The following DPM1 variants were observed in gnomAD, a reference collection of about 807,000 sequenced individuals.
DPM1 encodes the protein dolichol-phosphate mannosyltransferase subunit 1.
A neutral mutation model predicts 39.0 loss-of-function variants in DPM1; 27 were observed. That is an observed-to-expected ratio of 0.69 (90% CI 0.51 to 0.95). The LOEUF (loss-of-function observed/expected upper bound fraction) is 0.95, where lower values mean the gene tolerates loss of function less well. Among genes scored for constraint, DPM1 ranks in the 40% least tolerant of loss-of-function variants. The pLI, the probability that DPM1 is intolerant of heterozygous loss-of-function variation, is 0.00. For synonymous variants in DPM1, 124 were observed against 109.0 expected (o/e 1.14, Z -0.86); for missense variants, 307 against 315.6 (o/e 0.97, Z 0.21).
chr20:50,950,139 A>G (rs997255007), intron 2 of DPM1, among the ~76,000 whole-genome samples: 1 of 152,010 alleles, frequency 6.6e-6, no homozygotes, highest in Non-Finnish European at 1.5e-5. Context: ...CTTTTCCTTT[A>G]TGATTACCAT....
At chr20:50,941,290 A>G (rs1985758871) in intron 6 of DPM1, 1 of 160,016 alleles carries the variant, frequency 6.2e-6, no homozygotes, top group South Asian at 2.1e-4. Context: ...TATAATATAT[A>G]TACACATTCA....
intron 6 of DPM1, chr20:50,941,144 G>A (rs1204405808): frequency 1.0e-5 from 6 of 588,804 alleles, no homozygotes; most frequent in East Asian, 2.9e-5. Context: ...ATCCCAGGAG[G>A]CCAAGATGGC....
At chr20:50,937,815 A>T (rs6020858) in intron 7 of DPM1, among the ~76,000 whole-genome samples, 74,303 of 151,774 alleles carry the variant, frequency 0.49, 20,064 homozygotes, top group African/African-American at 0.74. Context: ...AATAACTTTT[A>T]AAGTTATTAT....
intron 6 of DPM1, chr20:50,941,267 T>TATAA (rs1435028731): frequency 6.7e-6 from 1 of 148,768 alleles, no homozygotes; most frequent in African/African-American, 3.2e-5. Flanking sequence ...TATATATAAA[T>TATAA]AAAATACATT....
intron 1 of DPM1, 97 bp downstream of exon 1, chr20:50,958,266 A>C: frequency 6.6e-7 from 1 of 1,518,962 alleles, no homozygotes; most frequent in East Asian, 2.4e-5. Context: ...GAGGCAAAGA[A>C]GGCTGGACAG....
rs1421151013 is a variant in DPM1, at chr20:50,941,080, A to G, written c.495-147T>C. On this transcript the variant is annotated intron_variant, in intron 6 of 8. Transcript: ENST00000371588. ...ATGTTATTTATCTAGAACAAAATAG[A>G]AATTTTTAGTCAATGAAAGGAGACC... 4 of 945,134 alleles carry G rather than the reference A, an allele frequency of 4.2e-6. No homozygotes were observed. In the African/African-American group the frequency reaches 5.0e-5, roughly 12 times the overall value. The allele number at this position is 945,134 out of a possible 1,614,324, so 58.5% of individuals were successfully genotyped here.
chr20:50,938,180 T>G (rs958148947), intron 7 of DPM1, among the ~76,000 whole-genome samples: 1 of 152,126 alleles, frequency 6.6e-6, no homozygotes, highest in Non-Finnish European at 1.5e-5. Flanking sequence ...GCGATTAGGA[T>G]CCAGGTGGTC....
chr20:50,935,419 T>A (rs944918861), intron 8 of DPM1, among the ~76,000 whole-genome samples, 183 bp from the exon 9 acceptor site: 1 of 152,176 alleles, frequency 6.6e-6, no homozygotes, highest in African/African-American at 2.4e-5. Flanking sequence ...AAATTAAACA[T>A]GCATTATCTA....
At chr20:50,937,833 ATTATTT>A (rs1475823806) in intron 7 of DPM1, among the ~76,000 whole-genome samples, 3 of 148,326 alleles carry the variant, frequency 2.0e-5, no homozygotes, top group Non-Finnish European at 3.0e-5. Flanking sequence ...TATTATTATT[ATTATTT>A]TTATTTTTTT....
Position 50,958,505 on chromosome 20 carries a change from T to C in DPM1, c.19A>G (p.Ser7Gly), listed in dbSNP as rs147804856. The part of the protein sequence containing the change: MASLEV[S>G]RSPRRSRREL... ...CGCCGAGACCTGCGAGGACTACGAC[T>C]GACTTCCAAGGAGGCCATGGCGGAA... Residue 7 changes from serine to glycine, a missense_variant, in exon 1 of 9, where the codon AGT becomes GGT. By Grantham distance (56) the Ser-to-Gly change is moderately conservative. Around this residue, in one of 3 missense-constraint regions of DPM1, gnomAD observed 206 missense variants for 188.2 expected, o/e 1.09. Transcript: ENST00000371588. 6.1e-5 allele frequency: 98 copies of C among 1,613,364 alleles called. No homozygotes were observed. In the African/African-American group the frequency reaches 8.7e-4, roughly 14 times the overall value.
chr20:50,936,060 T>C, intron 8 of DPM1, 88 bp downstream of exon 8: 2 of 934,162 alleles, frequency 2.1e-6, no homozygotes, highest in Middle Eastern at 2.1e-4. Flanking sequence ...TTAGCAGTTA[T>C]GAAAGTTAAA....
chr20:50,946,607 A>G (rs1488736248), intron 3 of DPM1, among the ~76,000 whole-genome samples: 1 of 152,234 alleles, frequency 6.6e-6, no homozygotes, highest in Non-Finnish European at 1.5e-5. Context: ...TTGGGGCCAA[A>G]GGCCTAGGTG....
chr20:50,938,160 T>G (rs1328829078), intron 7 of DPM1, among the ~76,000 whole-genome samples: 1 of 152,180 alleles, frequency 6.6e-6, no homozygotes, highest in Non-Finnish European at 1.5e-5. Flanking sequence ...AGCCATATAA[T>G]CCCATAAATG....
chr20:50,935,371 G>T, intron 8 of DPM1, 135 bp from the exon 9 acceptor site: 1 of 649,412 alleles, frequency 1.5e-6, no homozygotes, highest in Non-Finnish European at 2.8e-6. Flanking sequence ...TAAAATTAGG[G>T]GATTATGAAA....
Position 50,954,423 on chromosome 20 carries a change from T to A in DPM1, c.261+763A>T, listed in dbSNP as rs376784743. Among the ~76,000 whole-genome samples the A allele has an allele frequency of 3.9e-5, 6 of 152,130 alleles. No individual in the cohort carries two copies. In the East Asian group the frequency reaches 9.6e-4, roughly 24 times the overall value. On this transcript the variant is annotated intron_variant, in intron 2 of 8. Transcript: ENST00000371588. The stretch of plus-strand genomic sequence containing the variant: ...ACAATAAACACGACAACCCCCACAG[T>A]AAAGAATTAATCTGTCCACACGTCA...
At position 50,958,376 on chromosome 20, in the gene DPM1, T is replaced by A; in HGVS notation, c.148A>T (p.Ser50Cys). ...CTGGTGCGCTACCTCTCGGAGAAGC[T>A]TTTCACCAGCAGCCACACGATGAGC... is the stretch of plus-strand genomic sequence containing the variant. ...LPLIVWLLVKSFSESGINYEI... is the reference protein window; with the variant it reads ...LPLIVWLLVKCFSESGINYEI... Residue 50 changes from serine (S) to cysteine (C), a missense_variant, in exon 1 of 9, where the codon AGC (serine) becomes TGC (cysteine). Coordinates refer to ENST00000371588, the MANE Select transcript of DPM1 (RefSeq NM_003859.3). 2 of 1,613,662 alleles carry A rather than the reference T, an allele frequency of 1.2e-6. No homozygotes were observed. Among genetic ancestry groups the A allele is most frequent in the Non-Finnish European group, 8.5e-7 (1 of 1,179,992 alleles).
intron 3 of DPM1, among the ~76,000 whole-genome samples, chr20:50,946,254 T>C (rs1161463837): frequency 6.6e-6 from 1 of 152,264 alleles, no homozygotes; most frequent in African/African-American, 2.4e-5. Flanking sequence ...AAAACCCATC[T>C]GGTGTTTCCT....
At chr20:50,956,835 C>A (rs930223049) in intron 1 of DPM1, among the ~76,000 whole-genome samples, 10 of 152,222 alleles carry the variant, frequency 6.6e-5, no homozygotes, top group African/African-American at 2.2e-4. Context: ...CCTACCACTT[C>A]AAAGCAGCTA....
Position 50,936,144 on chromosome 20 carries a change from A to C in DPM1, c.678+4T>G, listed in dbSNP as rs948892336. On this transcript the variant is annotated splice_donor_region_variant and intron_variant, in intron 8 of 8. Transcript: ENST00000371588. ...TGACACACTATTTAGCATCAGTTGC[A>C]TACCTCGCCAATAGTATAATTCAAC... 2 of 1,602,218 alleles carry C rather than the reference A, an allele frequency of 1.2e-6. No individual in the cohort carries two copies. Among genetic ancestry groups the C allele is most frequent in the African/African-American group, 2.7e-5 (2 of 74,682 alleles).
Sources: gnomAD v4.1 joint callset for allele counts (sites outside exome capture counted in the v4.1 genomes callset) on GRCh38, gnomAD v4.1.1 for gene constraint, gnomAD v4.1.1 regional missense constraint, MANE v1.5 for transcripts, NCBI Gene and HGNC (gene_info 2026-07-23, HGNC 2026-07-21) for gene names.